SMAD6: variants seen among roughly 807,000 people sequenced by gnomAD.
The protein encoded by SMAD6 is MAD homolog 6.
SMAD6 carries 103 observed loss-of-function variants against 39.4 expected under a neutral mutation model. The ratio of observed to expected loss-of-function variants is 2.62; its 90% CI spans 2.23 to 3.08. SMAD6 has a LOEUF of 3.08. Ranked by LOEUF, SMAD6 falls within the 30% of genes most tolerant of loss-of-function variation. SMAD6 has a pLI of 0.00. For missense variants in SMAD6, 1,104 were observed against 742.9 expected (o/e 1.49, Z -5.65); for synonymous variants, 445 against 353.3 (o/e 1.26, Z -2.91).
chr15:66,727,102 C>CTT (rs35592663), intron 3 of SMAD6, among the ~76,000 whole-genome samples: 5 of 141,298 alleles, frequency 3.5e-5, no homozygotes, highest in African/African-American at 5.4e-5. Flanking sequence ...TCTTCTTCTT[C>CTT]TTTTTTTTTT....
intron 2 of SMAD6, among the ~76,000 whole-genome samples, chr15:66,715,535 C>T (rs1489235618): frequency 6.6e-6 from 1 of 152,108 alleles, no homozygotes; most frequent in Non-Finnish European, 1.5e-5. Flanking sequence ...GCAGGCCTTC[C>T]AACTCCTGGA....
At chr15:66,763,713 A>C (rs1894243245) in intron 3 of SMAD6, among the ~76,000 whole-genome samples, 1 of 152,206 alleles carries the variant, frequency 6.6e-6, no homozygotes, top group Non-Finnish European at 1.5e-5. Context: ...CCCAGCTAAC[A>C]TGTAAATCAC....
rs1893031288 is a variant in SMAD6, at chr15:66,703,611, A to G, written c.353A>G (p.Glu118Gly). The G allele has an allele frequency of 8.1e-7, 1 of 1,230,278 alleles. No individual in the cohort carries two copies. Among genetic ancestry groups the G allele is most frequent in the Non-Finnish European group, 1.0e-6 (1 of 983,992 alleles). 76.2% of individuals were successfully genotyped at this position (1,230,278 alleles called of 1,614,324 possible). ...AEPGGPGWLP[E>G]SDCETVTCCL... ...CCGGGAGGCCCGGGCTGGCTGCCCG[A>G]GAGTGACTGCGAGACGGTGACCTGC... Residue 118 changes from glutamate (E) to glycine (G), a missense_variant, in exon 1 of 4, where the codon GAG (glutamate) becomes GGG (glycine). By Grantham distance (98) the Glu-to-Gly change is moderately conservative. Coordinates refer to ENST00000288840, the MANE Select transcript of SMAD6 (RefSeq NM_005585.5).
chr15:66,704,130 C>T (rs73488312), intron 1 of SMAD6, 55 bp downstream of exon 1: 4 of 1,291,772 alleles, frequency 3.1e-6, no homozygotes, highest in Non-Finnish European at 4.0e-6. Flanking sequence ...CATCCCCTTC[C>T]GTGCCCTTCT....
At chr15:66,719,939 G>A (rs1169962996) in intron 3 of SMAD6, among the ~76,000 whole-genome samples, 1 of 152,232 alleles carries the variant, frequency 6.6e-6, no homozygotes, top group Non-Finnish European at 1.5e-5. Context: ...AGGCTAGAAT[G>A]CAGAGCTTTA....
chr15:66,757,003 C>G (rs755080165), intron 3 of SMAD6, among the ~76,000 whole-genome samples: 4 of 152,202 alleles, frequency 2.6e-5, no homozygotes, highest in Non-Finnish European at 5.9e-5. Flanking sequence ...AAAACCCTGA[C>G]TGGGAGTCCT....
intron 3 of SMAD6, among the ~76,000 whole-genome samples, chr15:66,753,030 T>G (rs1595788392): frequency 6.6e-6 from 1 of 152,222 alleles, no homozygotes; most frequent in East Asian, 1.9e-4. Flanking sequence ...TGAATTCTCA[T>G]GACATACAGC....
intron 3 of SMAD6, among the ~76,000 whole-genome samples, chr15:66,764,898 T>C (rs1008071905): frequency 6.6e-6 from 1 of 152,114 alleles, no homozygotes; most frequent in Admixed American, 6.5e-5. Context: ...AGACCTTTAT[T>C]ACTTTTAGGA....
At chr15:66,780,182 T>C (rs1894532990) in intron 3 of SMAD6, among the ~76,000 whole-genome samples, 1 of 152,182 alleles carries the variant, frequency 6.6e-6, no homozygotes, top group African/African-American at 2.4e-5. Context: ...TCAGCTCCTC[T>C]GCCATGCAGA....
At chr15:66,729,855 C>G (rs1008212867) in intron 3 of SMAD6, among the ~76,000 whole-genome samples, 1 of 152,148 alleles carries the variant, frequency 6.6e-6, no homozygotes, top group Non-Finnish European at 1.5e-5. Context: ...GCACCGCGGC[C>G]GGGCCAGTCA....
chr15:66,774,559 C>T (rs1348744595), intron 3 of SMAD6, among the ~76,000 whole-genome samples: 1 of 152,194 alleles, frequency 6.6e-6, no homozygotes, highest in African/African-American at 2.4e-5. Context: ...CGGGAGGGAA[C>T]AGGGCTTGTC....
chr15:66,781,312 G>T lies in SMAD6; in HGVS notation c.1268G>T (p.Arg423Leu). 2 of 1,600,730 alleles carry T rather than the reference G, an allele frequency of 1.2e-6. No homozygotes were observed. The change falls in exon 4 of 4, where the codon CGC (arginine) becomes CTC (leucine). Residue 423 changes from arginine to leucine, a missense_variant. By Grantham distance (102) the Arg-to-Leu change is moderately radical. Coordinates refer to ENST00000288840, the MANE Select transcript of SMAD6 (RefSeq NM_005585.5). ...CCGACGCTGGACGCGCCCGGCGGCC[G>T]CGCCCTGGTCGTGCGCAAGGTGCCC... The part of the protein sequence containing the change: ...NSPTLDAPGG[R>L]ALVVRKVPPG...
chr15:66,767,276 T>G (rs1894304064), intron 3 of SMAD6, among the ~76,000 whole-genome samples: 1 of 152,126 alleles, frequency 6.6e-6, no homozygotes, highest in Non-Finnish European at 1.5e-5. Flanking sequence ...TCACCATCAA[T>G]GAGGATAGAA....
chr15:66,722,776 G>C (rs1893456869), intron 3 of SMAD6, among the ~76,000 whole-genome samples: 1 of 152,072 alleles, frequency 6.6e-6, no homozygotes, highest in Non-Finnish European at 1.5e-5. Flanking sequence ...TGTGAGGGGG[G>C]GTCGGCAGGA....
chr15:66,748,796 C>T (rs1449907866), intron 3 of SMAD6, among the ~76,000 whole-genome samples: 1 of 152,092 alleles, frequency 6.6e-6, no homozygotes, highest in Non-Finnish European at 1.5e-5. Flanking sequence ...CGGGAGTTTC[C>T]TTTTAAAGCT....
chr15:66,703,249 A>G lies in SMAD6; in HGVS notation c.-10A>G, dbSNP rs1893014966. On this transcript the variant is annotated 5_prime_UTR_variant, in exon 1 of 4. Transcript: ENST00000288840. ...GCCTCCCCCCCACCCCTGGCGCCAA[A>G]GGATATCGTATGTTCAGGTCCAAAC... 7.1e-7 allele frequency: 1 copy of G among 1,409,878 alleles called. No homozygotes were observed. The highest frequency in any genetic ancestry group is 9.3e-7 in the Non-Finnish European group (1 of 1,076,636). The allele number at this position is 1,409,878 out of a possible 1,614,324, so 87.3% of individuals were successfully genotyped here. A position where few individuals can be genotyped will look rare whatever the true frequency, so the allele number is the denominator to read the frequency against.
intron 3 of SMAD6, among the ~76,000 whole-genome samples, chr15:66,721,155 G>A (rs779899850): frequency 6.6e-6 from 1 of 152,130 alleles, no homozygotes; most frequent in Non-Finnish European, 1.5e-5. Flanking sequence ...GACTGGCTCA[G>A]AGCCATACAG....
intron 1 of SMAD6, chr15:66,708,679 A>G (rs1316180110): frequency 2.2e-6 from 1 of 461,728 alleles, no homozygotes; most frequent in Non-Finnish European, 4.6e-6. Flanking sequence ...GCCAGCCACA[A>G]AAGGCCATAT....
At position 66,703,112 on chromosome 15, in the gene SMAD6, A is replaced by T; in HGVS notation, c.-147A>T. 1.9e-6 allele frequency: 1 copy of T among 522,184 alleles called. No individual in the cohort carries two copies. The highest frequency in any genetic ancestry group is 6.8e-5 in the South Asian group (1 of 14,632). 32.3% of individuals were successfully genotyped at this position (522,184 alleles called of 1,614,324 possible). On this transcript the variant is annotated 5_prime_UTR_variant, in exon 1 of 4. Coordinates refer to ENST00000288840, the MANE Select transcript of SMAD6 (RefSeq NM_005585.5). ...GTTGTCGCCCTGCGGCGCCCCTTCG[A>T]CGACAGGCTGTGCGCGGTCTGCACG...
Sources: allele counts gnomAD v4.1 joint callset (sites outside exome capture counted in the v4.1 genomes callset), GRCh38; gene constraint gnomAD v4.1.1; transcripts MANE v1.5; gene names NCBI Gene and HGNC (gene_info 2026-07-23, HGNC 2026-07-21).